The following SORCS1 variants were observed in gnomAD, a reference collection of about 807,000 sequenced individuals.
The protein encoded by SORCS1 is VPS10 domain-containing receptor SorCS1.
SORCS1 carries 60 observed loss-of-function variants against 146.1 expected under a neutral mutation model. That is an observed-to-expected ratio of 0.41 (90% CI 0.33 to 0.51). The LOEUF (loss-of-function observed/expected upper bound fraction) is 0.51, where lower values mean the gene tolerates loss of function less well. SORCS1 is among the 20% of genes least tolerant of loss of function. The pLI is 0.21. For synonymous variants in SORCS1, 637 were observed against 584.0 expected, an observed-to-expected ratio of 1.09 and a Z score of -1.31; for missense variants, 1,352 against 1,487.6, an observed-to-expected ratio of 0.91 and a Z score of 1.50.
intron 2 of SORCS1, among the ~76,000 whole-genome samples, chr10:106,921,568 C>T (rs1952712995): frequency 6.6e-6 from 1 of 152,102 alleles, no homozygotes; most frequent in South Asian, 2.1e-4. Flanking sequence ...CATTTAATAA[C>T]AAATGTTATT....
intron 2 of SORCS1, among the ~76,000 whole-genome samples, chr10:106,870,064 C>G (rs573860619): frequency 3.3e-5 from 5 of 152,050 alleles, no homozygotes; most frequent in Admixed American, 6.6e-5. Flanking sequence ...AAGCAGAAAG[C>G]CAAATCAGGA....
chr10:107,021,716 G>T (rs1958154981), intron 1 of SORCS1, among the ~76,000 whole-genome samples: 1 of 151,902 alleles, frequency 6.6e-6, no homozygotes, highest in Non-Finnish European at 1.5e-5. Context: ...ATAGGCAATT[G>T]ATAAAGTATC....
chr10:106,577,073 G>T lies in SORCS1; in HGVS notation c.*347C>A. 1 of 570,190 alleles carries T rather than the reference G, an allele frequency of 1.8e-6. No homozygotes were observed. The highest frequency in any genetic ancestry group is 1.9e-5 in the South Asian group (1 of 51,538). The allele number at this position is 570,190 out of a possible 1,614,324, so 35.3% of individuals were successfully genotyped here. ...CTCAGAGTATTGTCCACATGCACAG[G>T]CTTAAAGCTAAAAACCCTTGTTGTC... is the stretch of plus-strand genomic sequence containing the variant. On this transcript the variant is annotated 3_prime_UTR_variant, in exon 26 of 26. Transcript: ENST00000263054.
At chr10:107,066,549 A>G (rs964916523) in intron 1 of SORCS1, among the ~76,000 whole-genome samples, 1 of 152,232 alleles carries the variant, frequency 6.6e-6, no homozygotes, top group African/African-American at 2.4e-5. Flanking sequence ...TGCACTAGAC[A>G]CTGGAGACTC....
intron 24 of SORCS1, among the ~76,000 whole-genome samples, chr10:106,582,108 C>T (rs1353687957): frequency 6.6e-6 from 1 of 151,014 alleles, no homozygotes; most frequent in African/African-American, 2.4e-5. Context: ...AGCAAACTCG[C>T]ATATGCATGC....
At chr10:106,585,165 A>C (rs573261135) in intron 24 of SORCS1, among the ~76,000 whole-genome samples, 1 of 151,840 alleles carries the variant, frequency 6.6e-6, no homozygotes, top group East Asian at 1.9e-4. Context: ...TGGAGCTTGC[A>C]GTGAGCCAAG....
chr10:107,046,561 A>G (rs998699092), intron 1 of SORCS1, among the ~76,000 whole-genome samples: 1 of 152,160 alleles, frequency 6.6e-6, no homozygotes, highest in African/African-American at 2.4e-5. Context: ...CCCAGAAAGG[A>G]TGGGTGAGAA....
At chr10:106,861,250 A>T (rs148176068) in intron 2 of SORCS1, among the ~76,000 whole-genome samples, 1 of 151,980 alleles carries the variant, frequency 6.6e-6, no homozygotes, top group East Asian at 1.9e-4. Flanking sequence ...TACAAAAAAA[A>T]TTAGCCAGGC....
intron 18 of SORCS1, among the ~76,000 whole-genome samples, chr10:106,633,136 C>T (rs999717608): frequency 1.3e-5 from 2 of 152,068 alleles, no homozygotes; most frequent in African/African-American, 4.8e-5. Flanking sequence ...CTCCTAAGAG[C>T]AATGAGAAGC....
At chr10:107,172,714 T>C in the SORCS1 span, among the ~76,000 whole-genome samples, 1 of 152,176 alleles carries the variant, frequency 6.6e-6, no homozygotes. Context: ...CTTAATATTG[T>C]CAGATGATCA....
At chr10:106,763,314 CT>C (rs2136270382) in intron 4 of SORCS1, among the ~76,000 whole-genome samples, 1 of 152,108 alleles carries the variant, frequency 6.6e-6, no homozygotes, top group East Asian at 1.9e-4. Context: ...CTTTTTTTCT[CT>C]TGTTAAATGT....
chr10:106,697,360 G>A (rs551853157), intron 9 of SORCS1, among the ~76,000 whole-genome samples: 165 of 151,898 alleles, frequency 1.1e-3, no homozygotes, highest in African/African-American at 3.8e-3. Context: ...GGAGGCTGAG[G>A]AAGGAGAATA....
At chr10:106,956,400 C>T in intron 2 of SORCS1, 113 bp downstream of exon 2, 1 of 854,694 alleles carries the variant, frequency 1.2e-6, no homozygotes, top group Non-Finnish European at 1.9e-6. Context: ...AGAGAGAAAG[C>T]AAGCAGTGCA....
chr10:106,829,510 G>T, intron 3 of SORCS1, 64 bp downstream of exon 3: 1 of 1,201,350 alleles, frequency 8.3e-7, no homozygotes, highest in Non-Finnish European at 1.2e-6. Flanking sequence ...TAGCTAGAGT[G>T]GTTAGCCAAC....
intron 2 of SORCS1, among the ~76,000 whole-genome samples, chr10:106,903,606 T>C (rs1951804073): frequency 6.6e-6 from 1 of 152,168 alleles, no homozygotes; most frequent in Non-Finnish European, 1.5e-5. Flanking sequence ...TCAGCAGGAC[T>C]TTTTCAGAGA....
At chr10:106,710,331 C>T (rs746274041) in intron 6 of SORCS1, among the ~76,000 whole-genome samples, 28 of 151,044 alleles carry the variant, frequency 1.9e-4, no homozygotes, top group Non-Finnish European at 3.2e-4. Flanking sequence ...CGTAAAATCA[C>T]AGCTACTCAG....
At chr10:107,138,658 G>A (rs2134696365) in intron 1 of SORCS1, among the ~76,000 whole-genome samples, 1 of 152,304 alleles carries the variant, frequency 6.6e-6, no homozygotes, top group Middle Eastern at 3.4e-3. Flanking sequence ...ATTTTTAAGA[G>A]TAAAGATTTT....
intron 1 of SORCS1, among the ~76,000 whole-genome samples, chr10:107,021,576 C>G (rs1344536732): frequency 6.8e-6 from 1 of 148,002 alleles, no homozygotes; most frequent in Non-Finnish European, 1.5e-5. Flanking sequence ...CCCCTCCTCC[C>G]AAATGCAGGG....
chr10:106,946,199 C>T (rs1046613956), intron 2 of SORCS1, among the ~76,000 whole-genome samples: 1 of 122,238 alleles, frequency 8.2e-6, no homozygotes, highest in Non-Finnish European at 2.0e-5. Flanking sequence ...TAAATCATTT[C>T]ATAACATACT....
Sources: gnomAD v4.1 joint callset for allele counts (sites outside exome capture counted in the v4.1 genomes callset) on GRCh38, gnomAD v4.1.1 for gene constraint, MANE v1.5 for transcripts, NCBI Gene and HGNC (gene_info 2026-07-23, HGNC 2026-07-21) for gene names.